FREM2: variants seen among roughly 807,000 people sequenced by gnomAD.
The protein encoded by FREM2 is FRAS1 related extracellular matrix 2.
FREM2 carries 119 observed loss-of-function variants against 219.9 expected under a neutral mutation model. The observed-to-expected ratio is 0.54, with a 90% CI of 0.47 to 0.63. The LOEUF (loss-of-function observed/expected upper bound fraction) is 0.63. Ranked by LOEUF, FREM2 falls within the 30% of genes least tolerant of loss-of-function variation. FREM2 has a pLI of 0.00. For synonymous variants in FREM2, 1,562 were observed against 1,522.8 expected, an observed-to-expected ratio of 1.03 and a Z score of -0.60; for missense variants, 4,030 against 3,993.6, an observed-to-expected ratio of 1.01 and a Z score of -0.25.
rs769953468 is a variant in FREM2 at position 38,689,159 on chromosome 13, A to T, written c.1815A>T (p.Leu605Phe). The T allele has an allele frequency of 3.1e-6, 5 of 1,613,880 alleles. No individual in the cohort carries two copies. Among genetic ancestry groups the T allele is most frequent in the Middle Eastern group, 1.6e-4 (1 of 6,062 alleles). Residue 605 changes from leucine (L) to phenylalanine (F), a missense_variant, in exon 1 of 24, where the codon TTA (leucine) becomes TTT (phenylalanine). This residue lies in a region of FREM2 where 3,102 missense variants were observed against 2,950.7 expected (regional missense o/e 1.05). Coordinates refer to ENST00000280481, the MANE Select transcript of FREM2 (RefSeq NM_207361.6). ...LLLFVLESPF[L>F]TTGHLLLRQT... ...TTTTTGTGCTGGAGTCACCCTTCTT[A>T]ACTACGGGGCATCTGCTTCTCCGCC...
rs372022609 is a variant in FREM2 at position 38,866,876 on chromosome 13, C to A, written c.7983+2270C>A. 7.0e-4 allele frequency among the ~76,000 whole-genome samples: 107 copies of A among 152,286 alleles called. 2 individuals are homozygous for A. In the South Asian group the frequency reaches 0.022, roughly 31 times the overall value. The stretch of plus-strand genomic sequence containing the variant: ...CTGCCTAAGCTTTATCCTATTATAT[C>A]TGTCCACTTTTTTAATGTAGCAAGG... On this transcript the variant is annotated intron_variant, in intron 16 of 23. Coordinates refer to ENST00000280481, the MANE Select transcript of FREM2 (RefSeq NM_207361.6).
chr13:38,751,179 T>C (rs1236288563), intron 2 of FREM2, among the ~76,000 whole-genome samples: 2 of 144,544 alleles, frequency 1.4e-5, no homozygotes, highest in African/African-American at 5.1e-5. Context: ...GATTGCTGGA[T>C]CATATGACAG....
chr13:38,833,693 T>C (rs1876598800), intron 6 of FREM2, among the ~76,000 whole-genome samples: 1 of 152,204 alleles, frequency 6.6e-6, no homozygotes, highest in Non-Finnish European at 1.5e-5. Context: ...TTTGGATTTA[T>C]TTATTTATTT....
At chr13:38,818,864 T>A (rs1383930119) in intron 6 of FREM2, among the ~76,000 whole-genome samples, 2 of 151,572 alleles carry the variant, frequency 1.3e-5, no homozygotes, top group African/African-American at 4.8e-5. Context: ...TACACTCTAG[T>A]CTGGGCAACA....
At chr13:38,865,029 TCC>T (rs753080437) in intron 16 of FREM2, among the ~76,000 whole-genome samples, 4 of 152,172 alleles carry the variant, frequency 2.6e-5, no homozygotes, top group Non-Finnish European at 4.4e-5. Flanking sequence ...CTAATTTTTC[TCC>T]CTCTTTTCTG....
At chr13:38,793,603 AG>A (rs1374413610) in intron 6 of FREM2, among the ~76,000 whole-genome samples, 3 of 152,360 alleles carry the variant, frequency 2.0e-5, no homozygotes, top group South Asian at 2.1e-4. Context: ...CAATAGAAAT[AG>A]GTGACACCTA....
intron 20 of FREM2, among the ~76,000 whole-genome samples, chr13:38,876,622 T>TTATC (rs2137938403): frequency 6.6e-6 from 1 of 152,310 alleles, no homozygotes; most frequent in East Asian, 1.9e-4. Context: ...TATTTTTTTC[T>TTATC]TATCTGATCT....
intron 2 of FREM2, among the ~76,000 whole-genome samples, chr13:38,739,908 C>T (rs1042555132): frequency 9.2e-5 from 14 of 152,114 alleles, no homozygotes; most frequent in African/African-American, 3.4e-4. Flanking sequence ...ATATCAAAAC[C>T]TCACATTTAC....
At chr13:38,701,710 T>C (rs904210942) in intron 2 of FREM2, among the ~76,000 whole-genome samples, 1 of 152,072 alleles carries the variant, frequency 6.6e-6, no homozygotes. Context: ...TCAACCCTAA[T>C]GATTGTTAAT....
chr13:38,693,846 C>T (rs1210379630), intron 1 of FREM2, among the ~76,000 whole-genome samples: 1 of 152,200 alleles, frequency 6.6e-6, no homozygotes, highest in Non-Finnish European at 1.5e-5. Flanking sequence ...TGAATGTCTC[C>T]CAGGGCCTGC....
intron 16 of FREM2, among the ~76,000 whole-genome samples, chr13:38,872,133 A>G (rs1029132620): frequency 2.0e-5 from 3 of 152,220 alleles, no homozygotes; most frequent in Non-Finnish European, 2.9e-5. Context: ...GGAATTAAGT[A>G]TTGAAACGTG....
rs138208561 is a variant in FREM2, at chr13:38,839,189, T to C, written c.6020-7384T>C. Among the ~76,000 whole-genome samples the C allele has an allele frequency of 8.2e-3, 1,242 of 152,330 alleles. 18 individuals are homozygous for C. Among genetic ancestry groups the C allele is most frequent in the African/African-American group, 0.027 (1,139 of 41,568 alleles). ...GATGTTGATGCTATTCCTTTCTGTT[T>C]GTTAGTTTTCCTTCTAACAGTCAGG... On this transcript the variant is annotated intron_variant, in intron 6 of 23. Transcript: ENST00000280481.
Position 38,739,028 on chromosome 13 carries a change from A to G in FREM2, c.5264-25276A>G, listed in dbSNP as rs571292091. 1.1e-3 allele frequency among the ~76,000 whole-genome samples: 167 copies of G among 152,250 alleles called. 2 individuals are homozygous for G. The highest frequency in any genetic ancestry group is 3.8e-3 in the African/African-American group (156 of 41,554). On this transcript the variant is annotated intron_variant, in intron 2 of 23. Transcript: ENST00000280481. ...GCATGATAACAGTATCTATCTCAGA[A>G]TATTCATGTGGGGAGTAAGTAGTAT... is the stretch of plus-strand genomic sequence containing the variant.
Position 38,691,362 on chromosome 13 carries a change from G to A in FREM2, c.4018G>A (p.Val1340Ile). 6.2e-7 allele frequency: 1 copy of A among 1,614,010 alleles called. No homozygotes were observed. Among genetic ancestry groups the A allele is most frequent in the Non-Finnish European group, 8.5e-7 (1 of 1,179,918 alleles). ...TTTAGATTCAGAAGACAAATCTTTG[G>A]TTTATATTATTCGTTATGGGCCAGG... ...TDLDSEDKSL[V>I]YIIRYGPGHG... The change falls in exon 1 of 24, where the codon GTT becomes ATT. Residue 1340 changes from valine to isoleucine, a missense_variant. This residue lies in a region of FREM2 where 3,102 missense variants were observed against 2,950.7 expected (regional missense o/e 1.05). Transcript: ENST00000280481.
At chr13:38,854,381 C>T (rs576778958) in intron 11 of FREM2, among the ~76,000 whole-genome samples, 10 of 151,880 alleles carry the variant, frequency 6.6e-5, no homozygotes, top group African/African-American at 2.4e-4. Flanking sequence ...ACGAGTAAAC[C>T]AAGGAAAATA....
At chr13:38,856,596 G>C (rs918368198) in intron 12 of FREM2, among the ~76,000 whole-genome samples, 1 of 151,940 alleles carries the variant, frequency 6.6e-6, no homozygotes, top group Non-Finnish European at 1.5e-5. Context: ...TCAGAGTAAA[G>C]AGGGAACTAT....
chr13:38,700,878 G>A (rs1047562407), intron 2 of FREM2, among the ~76,000 whole-genome samples: 1 of 152,080 alleles, frequency 6.6e-6, no homozygotes, highest in African/African-American at 2.4e-5. Context: ...TTTTAGGATA[G>A]ACAAAGAGCT....
At chr13:38,759,970 C>T (rs115999870) in intron 2 of FREM2, among the ~76,000 whole-genome samples, 96 of 152,312 alleles carry the variant, frequency 6.3e-4, no homozygotes, top group African/African-American at 2.3e-3. Context: ...CAATAAGTTA[C>T]AGCTTGGTTC....
chr13:38,769,567 T>C lies in FREM2; in HGVS notation c.5411-11T>C, dbSNP rs1873569436. The C allele has an allele frequency of 6.3e-7, 1 of 1,599,204 alleles. No individual in the cohort carries two copies. Among genetic ancestry groups the C allele is most frequent in the Non-Finnish European group, 8.6e-7 (1 of 1,166,740 alleles). On this transcript the variant is annotated splice_polypyrimidine_tract_variant and intron_variant, in intron 3 of 23. Transcript: ENST00000280481. The stretch of plus-strand genomic sequence containing the variant: ...ATGAAACTAAGAAAATGATATTATG[T>C]TTTTGTGAAGGTATTGGCACAAGAG...
Sources: allele counts gnomAD v4.1 joint callset (sites outside exome capture counted in the v4.1 genomes callset), GRCh38; gene constraint gnomAD v4.1.1; regional missense constraint gnomAD v4.1.1; transcripts MANE v1.5; gene names NCBI Gene and HGNC (gene_info 2026-07-23, HGNC 2026-07-21).